Variants in MLXIP observed in about 807,000 individuals in gnomAD.
The protein encoded by MLXIP is MLX-interacting protein.
Under a neutral mutation model 87.2 loss-of-function variants are expected in MLXIP, and 30 were observed. The ratio of observed to expected loss-of-function variants is 0.34; its 90% CI spans 0.26 to 0.47. The LOEUF is 0.47. Among genes scored for constraint, MLXIP ranks in the 20% least tolerant of loss-of-function variants. The probability of loss-of-function intolerance (pLI) is 1.00; values close to 1 mark genes in which losing one functional copy is unlikely to be tolerated. For synonymous variants in MLXIP, 530 were observed against 514.0 expected (o/e 1.03, Z -0.42); for missense variants, 1,002 against 1,240.1 (o/e 0.81, Z 2.88).
intron 1 of MLXIP, among the ~76,000 whole-genome samples, chr12:122,094,307 G>GTT: frequency 7.1e-6 from 1 of 139,910 alleles, no homozygotes; most frequent in South Asian, 2.5e-4. Flanking sequence ...TGGTGTGTGT[G>GTT]GTGTGTGGTG....
chr12:122,128,229 CTA>C (rs899429768), intron 3 of MLXIP: 1 of 422,518 alleles, frequency 2.4e-6, no homozygotes, highest in African/African-American at 2.0e-5. Flanking sequence ...AAGTGTGTGT[CTA>C]TGTGTGATTA....
intron 1 of MLXIP, among the ~76,000 whole-genome samples, chr12:122,085,251 A>G (rs1952150347): frequency 6.6e-6 from 1 of 151,546 alleles, no homozygotes; most frequent in Admixed American, 6.6e-5. Context: ...CTGTGTCATT[A>G]TGTGATCCCG....
Position 122,142,265 on chromosome 12 carries a change from T to C in MLXIP, c.*453T>C. The C allele has an allele frequency of 1.4e-6, 1 of 695,886 alleles. No homozygotes were observed. The highest frequency in any genetic ancestry group is 2.6e-6 in the Non-Finnish European group (1 of 381,178). The allele number at this position is 695,886 out of a possible 1,614,324, so 43.1% of individuals were successfully genotyped here. ...CTCTGCCTGATGCCCTGCTCCACTC[T>C]CTGGTCTGCCCGTGGGGCAGTTGGA... On this transcript the variant is annotated 3_prime_UTR_variant, in exon 17 of 17. Transcript: ENST00000319080.
intron 7 of MLXIP, 114 bp from the exon 8 acceptor site, chr12:122,132,178 T>A (rs1482716520): frequency 4.0e-6 from 3 of 744,850 alleles, no homozygotes; most frequent in Non-Finnish European, 6.9e-6. Flanking sequence ...TACCTCGGCC[T>A]CCCAAAGTGC....
intron 1 of MLXIP, among the ~76,000 whole-genome samples, chr12:122,122,549 C>CT (rs1217089572): frequency 3.0e-4 from 44 of 149,082 alleles, no homozygotes; most frequent in East Asian, 7.9e-4. Flanking sequence ...TTTTCTTTTT[C>CT]TTTTTTTTTT....
intron 1 of MLXIP, among the ~76,000 whole-genome samples, chr12:122,112,570 C>T (rs902975538): frequency 1.3e-5 from 2 of 151,768 alleles, no homozygotes; most frequent in Non-Finnish European, 2.9e-5. Context: ...TGGCCTGAAC[C>T]CAGGAGGCAG....
chr12:122,141,029 C>A lies in MLXIP; in HGVS notation c.2584C>A (p.Arg862=), dbSNP rs928797306. 3.7e-6 allele frequency: 6 copies of A among 1,613,820 alleles called. No homozygotes were observed. The highest frequency in any genetic ancestry group is 5.1e-6 in the Non-Finnish European group (6 of 1,179,898). The stretch of plus-strand genomic sequence containing the variant: ...CACCAGCAGCCTGGAGGAGCTGCAC[C>A]GGACGGCGCTCTCCTGGCTGGACCA... ...VSTSSLEELH[R]TALSWLDQHC... is the part of the protein sequence containing the mutation. Residue 862 remains arginine (R), a synonymous_variant, in exon 16 of 17, where the codon CGG becomes AGG. Coordinates refer to ENST00000319080, the MANE Select transcript of MLXIP (RefSeq NM_014938.6).
intron 1 of MLXIP, among the ~76,000 whole-genome samples, chr12:122,084,811 G>A (rs1024494826): frequency 6.6e-6 from 1 of 152,186 alleles, no homozygotes; most frequent in Non-Finnish European, 1.5e-5. Flanking sequence ...GCCTCCCAAA[G>A]TGCTGAGGTT....
chr12:122,124,743 G>A (rs757013764), intron 1 of MLXIP, among the ~76,000 whole-genome samples: 5 of 151,502 alleles, frequency 3.3e-5, no homozygotes, highest in Non-Finnish European at 7.4e-5. Context: ...TTTTAATTAT[G>A]CCTTTTGCCA....
chr12:122,130,381 C>T (rs951836535), intron 6 of MLXIP, among the ~76,000 whole-genome samples: 1 of 152,000 alleles, frequency 6.6e-6, no homozygotes, highest in Non-Finnish European at 1.5e-5. Context: ...TAGTCTGAGT[C>T]ATTGGCACAT....
intron 1 of MLXIP, among the ~76,000 whole-genome samples, chr12:122,102,324 A>G (rs1952449825): frequency 1.3e-5 from 2 of 152,246 alleles, no homozygotes; most frequent in African/African-American, 4.8e-5. Flanking sequence ...AATGGCCAAT[A>G]AACATGTGAA....
chr12:122,122,221 T>C (rs1952794632), intron 1 of MLXIP, among the ~76,000 whole-genome samples: 1 of 152,184 alleles, frequency 6.6e-6, no homozygotes, highest in African/African-American at 2.4e-5. Context: ...GACAGCCCAG[T>C]CACCTTTGTC....
intron 1 of MLXIP, among the ~76,000 whole-genome samples, chr12:122,104,044 G>A (rs1268212960): frequency 6.6e-6 from 1 of 152,162 alleles, no homozygotes; most frequent in Non-Finnish European, 1.5e-5. Flanking sequence ...GTTACAGAAA[G>A]CATGTGGTAC....
In MLXIP at chr12:122,147,013, C is replaced by G. The variant is rs1376632205; in HGVS notation, c.*5201C>G. On this transcript the variant is annotated 3_prime_UTR_variant, in exon 17 of 17. Coordinates refer to ENST00000319080, the MANE Select transcript of MLXIP (RefSeq NM_014938.6). Reference sequence around the variant, plus strand: ...AGCCCGGGAAAGGAAAACGGATTCACTTGCTGATTTTGTTCACGGCGGAAG... The same window carrying G: ...AGCCCGGGAAAGGAAAACGGATTCAGTTGCTGATTTTGTTCACGGCGGAAG... 6.6e-6 allele frequency: 1 copy of G among 152,252 alleles called. No individual in the cohort carries two copies. The highest frequency in any genetic ancestry group is 6.5e-5 in the Admixed American group (1 of 15,282). The allele number at this position is 152,252 out of a possible 1,614,324, so 9.4% of individuals were successfully genotyped here.
chr12:122,098,136 T>C (rs1952383901), intron 1 of MLXIP, among the ~76,000 whole-genome samples: 3 of 152,248 alleles, frequency 2.0e-5, no homozygotes, highest in Admixed American at 2.0e-4. Flanking sequence ...GCTGGCTCCT[T>C]GGAGCTATGG....
Position 122,079,033 on chromosome 12 carries a change from GCCT to G in MLXIP, c.182_184del (p.Pro61del). 1 of 1,375,804 alleles carries G rather than the reference GCCT, an allele frequency of 7.3e-7. No homozygotes were observed. Among genetic ancestry groups the G allele is most frequent in the East Asian group, 3.3e-5 (1 of 30,232 alleles). The allele number at this position is 1,375,804 out of a possible 1,614,324, so 85.2% of individuals were successfully genotyped here. On this transcript the variant is annotated inframe_deletion, in exon 1 of 17. Transcript: ENST00000319080. The stretch of plus-strand genomic sequence containing the variant: ...CCCACGCGAGCGCCGCGCCACCGCC[GCCT>G]CGGGCCGGGCCGGGCCGCGAGGAAC...
intron 1 of MLXIP, among the ~76,000 whole-genome samples, chr12:122,121,252 C>G (rs1401187092): frequency 1.3e-5 from 2 of 150,542 alleles, no homozygotes; most frequent in Non-Finnish European, 3.0e-5. Context: ...TCATGATCTG[C>G]CTGCCTCGGC....
chr12:122,137,729 TC>T lies in MLXIP; in HGVS notation c.2154+141del, dbSNP rs1953119694. 2.2e-6 allele frequency: 3 copies of T among 1,370,664 alleles called. No homozygotes were observed. Among genetic ancestry groups the T allele is most frequent in the South Asian group, 2.8e-5 (2 of 72,420 alleles). 84.9% of individuals were successfully genotyped at this position (1,370,664 alleles called of 1,614,324 possible). On this transcript the variant is annotated intron_variant, in intron 12 of 16. Transcript: ENST00000319080. The surrounding 1 kb of genome is among the most constrained non-coding windows in gnomAD (Gnocchi z 4.1). ...CAGGGGTGGATCAGAAATGGGCTTC[TC>T]CTTGCCCCATGCCACGAACCAGCCC...
intron 1 of MLXIP, among the ~76,000 whole-genome samples, chr12:122,095,299 G>T (rs897780748): frequency 2.2e-3 from 327 of 151,582 alleles, no homozygotes; most frequent in East Asian, 0.016. Flanking sequence ...TGTGTGTGTG[G>T]GGGGGTGTGT....
Sources: gnomAD v4.1 joint callset for allele counts (sites outside exome capture counted in the v4.1 genomes callset) on GRCh38, gnomAD v4.1.1 for gene constraint, Gnocchi (gnomAD v3.1) non-coding constraint, MANE v1.5 for transcripts, NCBI Gene and HGNC (gene_info 2026-07-23, HGNC 2026-07-21) for gene names.